AFF2: variants seen among roughly 807,000 people sequenced by gnomAD.
AFF2 encodes the protein ALF transcription elongation factor 2, also known as AF4/FMR2 family member 2.
Under a neutral mutation model 76.9 loss-of-function variants are expected in AFF2, and 14 were observed. The observed-to-expected ratio is 0.18, with a 90% CI of 0.12 to 0.28. The LOEUF is 0.28. Ranked by LOEUF, AFF2 falls within the 10% of genes least tolerant of loss-of-function variation. The probability of loss-of-function intolerance (pLI) is 1.00; values close to 1 mark genes in which losing one functional copy is unlikely to be tolerated. For missense variants in AFF2, 868 were observed against 1,001.1 expected (o/e 0.87, Z 1.79); for synonymous variants, 398 against 366.7 (o/e 1.09, Z -0.98).
At chrX:148,725,683 T>A (rs1301040373) in intron 3 of AFF2, among the ~76,000 whole-genome samples, 1 of 112,421 alleles carries the variant, frequency 8.9e-6, no homozygotes, top group Non-Finnish European at 1.9e-5. Context: ...ACTTCGACAT[T>A]TCTTTCTGTC....
At chrX:148,841,764 A>T (rs1433406260) in intron 5 of AFF2, among the ~76,000 whole-genome samples, 1 of 111,839 alleles carries the variant, frequency 8.9e-6, no homozygotes, top group African/African-American at 3.2e-5. Context: ...GAATCATTTG[A>T]GTCCTTTGTC....
chrX:148,583,620 A>C (rs1384051900), intron 1 of AFF2, among the ~76,000 whole-genome samples: 1 of 111,840 alleles, frequency 8.9e-6, no homozygotes, highest in Non-Finnish European at 1.9e-5. Context: ...CATCTATTAT[A>C]TATTTTTTAT....
chrX:148,918,429 G>A (rs782379536), intron 9 of AFF2, among the ~76,000 whole-genome samples: 1 of 112,012 alleles, frequency 8.9e-6, no homozygotes, highest in South Asian at 3.8e-4. Context: ...AGGGTAGATT[G>A]ATAGGAGAGA....
chrX:148,866,148 T>C (rs2070903319), intron 7 of AFF2, among the ~76,000 whole-genome samples: 1 of 111,824 alleles, frequency 8.9e-6, no homozygotes, highest in Non-Finnish European at 1.9e-5. Flanking sequence ...AAACTTATGC[T>C]CTTAGCCTTC....
intron 3 of AFF2, among the ~76,000 whole-genome samples, chrX:148,695,946 T>A (rs2054717495): frequency 8.9e-6 from 1 of 112,154 alleles, no homozygotes; most frequent in African/African-American, 3.2e-5. Flanking sequence ...ATGGAGTTAT[T>A]TGATCACTTA....
rs1462330415 is a variant in AFF2, at chrX:148,718,301, G to T, written c.1041+55533G>T. Among the ~76,000 whole-genome samples the T allele has an allele frequency of 4.5e-5, 5 of 111,236 alleles. No homozygotes were observed. The Admixed American group carries it at 4.8e-4, about 11-fold the overall frequency. ...TAATCATCCACTGTTGCATTCTCAG[G>T]TCTCCTCTGACCCCACAAAATGAGC... On this transcript the variant is annotated intron_variant, in intron 3 of 20. Transcript: ENST00000370460.
At chrX:148,990,198 G>C (rs1207044284) in intron 20 of AFF2, among the ~76,000 whole-genome samples, 1 of 112,226 alleles carries the variant, frequency 8.9e-6, no homozygotes, top group African/African-American at 3.2e-5. Context: ...ATAACATGAA[G>C]AGTAAATGCA....
intron 1 of AFF2, among the ~76,000 whole-genome samples, chrX:148,568,298 T>C (rs1557242018): frequency 8.9e-6 from 1 of 111,866 alleles, no homozygotes; most frequent in Admixed American, 9.5e-5. Context: ...AATCATTGGA[T>C]TGTATGACAA....
intron 1 of AFF2, among the ~76,000 whole-genome samples, chrX:148,555,549 T>G (rs1429128861): frequency 8.9e-6 from 1 of 112,309 alleles, no homozygotes; most frequent in Non-Finnish European, 1.9e-5. Context: ...TAACACGTTC[T>G]GCTTCCTGGT....
chrX:148,832,602 G>A (rs781877865), intron 4 of AFF2, among the ~76,000 whole-genome samples: 9 of 111,835 alleles, frequency 8.0e-5, no homozygotes, highest in Non-Finnish European at 1.7e-4. Flanking sequence ...AATGAGCTTT[G>A]AATGTGTACA....
At chrX:148,985,543 T>C (rs1347689858) in intron 19 of AFF2, among the ~76,000 whole-genome samples, 4 of 109,828 alleles carry the variant, frequency 3.6e-5, no homozygotes, top group Non-Finnish European at 7.6e-5. Context: ...TCTTTCTTTC[T>C]TGCCATAAAT....
At chrX:148,704,288 GTATATATATATTTATATATATGTGTGTA>G (rs1569553721) in intron 3 of AFF2, among the ~76,000 whole-genome samples, 18 of 78,560 alleles carry the variant, frequency 2.3e-4, no homozygotes, top group African/African-American at 9.0e-4. Context: ...ATATATGTGT[GTATATATATATTTATATATATGTGTGTA>G]TATATATATT....
At chrX:148,714,732 C>T (rs782466295) in intron 3 of AFF2, among the ~76,000 whole-genome samples, 41 of 111,934 alleles carry the variant, frequency 3.7e-4, no homozygotes, top group African/African-American at 1.3e-3. Context: ...TCCAGAATGT[C>T]AGGAGCTTCC....
chrX:148,832,330 G>A (rs73638196), intron 4 of AFF2, among the ~76,000 whole-genome samples: 3,414 of 112,089 alleles, frequency 0.03, 138 homozygotes, highest in African/African-American at 0.11. Flanking sequence ...ACTTGAACCC[G>A]ATTTTGCAGA....
chrX:148,809,501 T>A lies in AFF2; in HGVS notation c.1042-375T>A, dbSNP rs2070177133. ...AACTCAATTTAATCACAAAAGTGTT[T>A]CGTATAGGCCTTATATTTTTAATGA... is the stretch of plus-strand genomic sequence containing the variant. On this transcript the variant is annotated intron_variant, in intron 3 of 20. Transcript: ENST00000370460. Among the ~76,000 whole-genome samples the A allele has an allele frequency of 4.5e-5, 5 of 112,103 alleles. No individual in the cohort carries two copies. In the Admixed American group the frequency reaches 4.7e-4, roughly 11 times the overall value.
At chrX:148,684,988 G>A in intron 3 of AFF2, among the ~76,000 whole-genome samples, 1 of 112,536 alleles carries the variant, frequency 8.9e-6, no homozygotes, top group East Asian at 2.8e-4. Context: ...TTGTTGAAAA[G>A]TATTTTTAGT....
At chrX:148,533,115 C>T in intron 1 of AFF2, among the ~76,000 whole-genome samples, 1 of 111,384 alleles carries the variant, frequency 9.0e-6, no homozygotes, top group Middle Eastern at 4.6e-3. Context: ...TTCAGAGTGG[C>T]TTTTGCAAAT....
Position 148,807,162 on chromosome X carries a change from A to T in AFF2, c.1042-2714A>T, listed in dbSNP as rs1393431866. On this transcript the variant is annotated intron_variant, in intron 3 of 20. Transcript: ENST00000370460. Reference sequence around the variant, plus strand: ...GTGCTGCAAAGCTCCAGAGTCCACAACTCTTTCTCTTCTGACAGTATTTCC... The same window carrying T: ...GTGCTGCAAAGCTCCAGAGTCCACATCTCTTTCTCTTCTGACAGTATTTCC... Among the ~76,000 whole-genome samples the T allele has an allele frequency of 3.6e-5, 4 of 111,607 alleles. No individual in the cohort carries two copies. The Admixed American group carries it at 3.8e-4, about 11-fold the overall frequency.
chrX:148,953,750 GT>G lies in AFF2; in HGVS notation c.1557+12del. On this transcript the variant is annotated intron_variant, in intron 10 of 20. Transcript: ENST00000370460. ...GTGGCAACTCCAGAGGTGAGTGAAG[GT>G]GCCAGGGCCCTAACCATGATCTGCC... The G allele has an allele frequency of 8.3e-7, 1 of 1,197,667 alleles. No individual in the cohort carries two copies. Among genetic ancestry groups the G allele is most frequent in the Non-Finnish European group, 1.1e-6 (1 of 887,399 alleles).
Sources: gnomAD v4.1 joint callset for allele counts (sites outside exome capture counted in the v4.1 genomes callset) on GRCh38, gnomAD v4.1.1 for gene constraint, MANE v1.5 for transcripts, NCBI Gene and HGNC (gene_info 2026-07-23, HGNC 2026-07-21) for gene names.